Variants in PCDH15 observed in about 807,000 individuals in gnomAD.
PCDH15 encodes protocadherin-15.
PCDH15 carries 129 observed loss-of-function variants against 178.5 expected under a neutral mutation model. The observed-to-expected ratio is 0.72, with a 90% CI of 0.63 to 0.84. The LOEUF (loss-of-function observed/expected upper bound fraction) is 0.84. Among genes scored for constraint, PCDH15 ranks in the 40% least tolerant of loss-of-function variants. The pLI is 0.00. For synonymous variants in PCDH15, 800 were observed against 732.0 expected, an observed-to-expected ratio of 1.09 and a Z score of -1.50; for missense variants, 2,230 against 2,099.9, an observed-to-expected ratio of 1.06 and a Z score of -1.21.
At chr10:55,206,391 G>T (rs1168734796) in intron 1 of PCDH15, among the ~76,000 whole-genome samples, 2 of 152,086 alleles carry the variant, frequency 1.3e-5, no homozygotes, top group Non-Finnish European at 2.9e-5. Flanking sequence ...CCATAAGTCA[G>T]GTATGGTGCA....
At chr10:55,355,327 G>A (rs1053775337) in intron 2 of PCDH15, among the ~76,000 whole-genome samples, 1 of 151,996 alleles carries the variant, frequency 6.6e-6, no homozygotes, top group African/African-American at 2.4e-5. Context: ...TTATAAGAAA[G>A]TGATCGAGTG....
chr10:55,389,279 A>G (rs2132011334), intron 2 of PCDH15, among the ~76,000 whole-genome samples: 1 of 152,062 alleles, frequency 6.6e-6, no homozygotes, highest in East Asian at 1.9e-4. Context: ...TAGAGAGGAC[A>G]TGGAATATAT....
chr10:55,309,941 T>C (rs1843537159), intron 1 of PCDH15, among the ~76,000 whole-genome samples: 1 of 152,184 alleles, frequency 6.6e-6, no homozygotes, highest in Non-Finnish European at 1.5e-5. Flanking sequence ...TCTTTCTCTA[T>C]GCCTATTCTA....
intron 2 of PCDH15, among the ~76,000 whole-genome samples, chr10:55,148,461 C>A (rs2799596): frequency 0.9 from 136,855 of 151,846 alleles, 62,349 homozygotes; most frequent in Non-Finnish European, 0.97. Flanking sequence ...CTCAAGAGAA[C>A]TATATCATCA....
intron 1 of PCDH15, among the ~76,000 whole-genome samples, chr10:54,791,451 C>T (rs533109085): frequency 1.3e-5 from 2 of 151,934 alleles, no homozygotes; most frequent in Admixed American, 1.3e-4. Context: ...GAAACCTTGA[C>T]CTCTTCTTTT....
intron 6 of PCDH15, among the ~76,000 whole-genome samples, chr10:54,332,134 C>T (rs999131946): frequency 2.8e-4 from 42 of 147,836 alleles, no homozygotes; most frequent in African/African-American, 9.9e-4. Context: ...CTTTGAGTTG[C>T]TGAGCAAATC....
rs1174773534 is a variant in PCDH15, at chr10:55,612,866, A to G, written c.-156+14759T>C. 3.9e-5 allele frequency among the ~76,000 whole-genome samples: 6 copies of G among 152,090 alleles called. No individual in the cohort carries two copies. The South Asian group carries it at 6.2e-4, about 16-fold the overall frequency. ...ATCTGCATGGTTCCCACATCATTTC[A>G]TAAACTTCAAATACTCACACTTTAT... On this transcript the variant is annotated intron_variant, in intron 2 of 5. Coordinates refer to the PCDH15 transcript ENST00000613346.
At chr10:55,277,114 T>C (rs954403673) in intron 1 of PCDH15, among the ~76,000 whole-genome samples, 1 of 152,010 alleles carries the variant, frequency 6.6e-6, no homozygotes, top group Admixed American at 6.6e-5. Flanking sequence ...GTTCAGAGGG[T>C]CATTGAGAGT....
intron 3 of PCDH15, among the ~76,000 whole-genome samples, chr10:54,467,601 G>GTTTTTTTTTTTTT (rs67776985): frequency 1.2e-3 from 56 of 45,694 alleles, no homozygotes; most frequent in African/African-American, 1.7e-3. Context: ...TCAAGCTGTA[G>GTTTTTTTTTTTTT]TTTTTTTTTT....
At chr10:55,218,315 A>G (rs191430189) in intron 1 of PCDH15, among the ~76,000 whole-genome samples, 3 of 152,142 alleles carry the variant, frequency 2.0e-5, no homozygotes, top group Admixed American at 2.0e-4. Flanking sequence ...TACATTGTAT[A>G]TTAAATACAG....
chr10:55,050,965 T>C (rs1050388130), intron 2 of PCDH15, among the ~76,000 whole-genome samples: 1 of 152,124 alleles, frequency 6.6e-6, no homozygotes, highest in African/African-American at 2.4e-5. Context: ...TCCATAATTT[T>C]GCTTCATAAT....
At chr10:53,992,052 G>C (rs1458456273) in intron 21 of PCDH15, among the ~76,000 whole-genome samples, 1 of 152,146 alleles carries the variant, frequency 6.6e-6, no homozygotes, top group Non-Finnish European at 1.5e-5. Context: ...GCCTTTATGA[G>C]CTGTAACACT....
At chr10:54,472,584 T>C (rs894567086) in intron 3 of PCDH15, among the ~76,000 whole-genome samples, 1 of 152,166 alleles carries the variant, frequency 6.6e-6, no homozygotes, top group Non-Finnish European at 1.5e-5. Context: ...GTGCTAAGCA[T>C]TGGAACCCTC....
At chr10:53,825,042 A>G (rs941904367) in intron 32 of PCDH15, 35 of 1,328,436 alleles carry the variant, frequency 2.6e-5, no homozygotes, top group Admixed American at 3.7e-5. Context: ...CAAAAGATGA[A>G]GATCACTGTA....
rs1313978160 is a variant in PCDH15, at chr10:53,857,280, C to A, written c.3718-17G>T. 6.3e-7 allele frequency: 1 copy of A among 1,587,930 alleles called. No individual in the cohort carries two copies. The highest frequency in any genetic ancestry group is 8.6e-7 in the Non-Finnish European group (1 of 1,156,844). On this transcript the variant is annotated splice_polypyrimidine_tract_variant and intron_variant, in intron 27 of 37. Coordinates refer to ENST00000644397, the MANE Select transcript of PCDH15 (RefSeq NM_001384140.1). ...CACGGAGACCTGAAAGAAGAAAAAA[C>A]AGAATTCATTTAATTTTTACTCACT... is the stretch of plus-strand genomic sequence containing the variant.
chr10:55,427,676 A>G (rs1240793924), intron 2 of PCDH15, among the ~76,000 whole-genome samples: 1 of 152,196 alleles, frequency 6.6e-6, no homozygotes, highest in Non-Finnish European at 1.5e-5. Flanking sequence ...GATTTAAAAA[A>G]TCCATTGCTA....
intron 15 of PCDH15, among the ~76,000 whole-genome samples, chr10:54,128,523 C>A (rs2042165555): frequency 6.6e-6 from 1 of 152,136 alleles, no homozygotes; most frequent in Non-Finnish European, 1.5e-5. Context: ...GTGATCTTCC[C>A]TGTTTTGTGT....
intron 2 of PCDH15, among the ~76,000 whole-genome samples, chr10:54,545,214 CA>C (rs1418161454): frequency 2.6e-5 from 4 of 152,114 alleles, no homozygotes; most frequent in African/African-American, 9.7e-5. Flanking sequence ...CTGTCTGGAG[CA>C]AATAATGTCT....
At chr10:53,878,375 CTATA>C (rs1046298777) in intron 26 of PCDH15, among the ~76,000 whole-genome samples, 3 of 143,610 alleles carry the variant, frequency 2.1e-5, no homozygotes, top group African/African-American at 5.1e-5. Flanking sequence ...ATAATATATT[CTATA>C]TATAGTCTAT....
Sources: gnomAD v4.1 joint callset for allele counts (sites outside exome capture counted in the v4.1 genomes callset) on GRCh38, gnomAD v4.1.1 for gene constraint, MANE v1.5 for transcripts, NCBI Gene and HGNC (gene_info 2026-07-23, HGNC 2026-07-21) for gene names.